The following INSYN2B variants were observed in gnomAD, a reference collection of about 807,000 sequenced individuals.
INSYN2B encodes the protein inhibitory synaptic factor family member 2B.
In INSYN2B, 16 loss-of-function variants were observed where a neutral mutation model predicts 41.2. The ratio of observed to expected loss-of-function variants is 0.39; its 90% CI spans 0.26 to 0.59. The LOEUF is 0.59. INSYN2B is among the 20% of genes least tolerant of loss of function. The pLI, the probability that INSYN2B is intolerant of heterozygous loss-of-function variation, is 0.57. For missense variants in INSYN2B, 608 were observed against 646.4 expected, an observed-to-expected ratio of 0.94 and a Z score of 0.64; for synonymous variants, 245 against 244.4, an observed-to-expected ratio of 1.00 and a Z score of -0.02.
intron 1 of INSYN2B, among the ~76,000 whole-genome samples, chr5:169,900,130 A>T (rs546529419): frequency 2.1e-4 from 32 of 152,260 alleles, no homozygotes; most frequent in African/African-American, 7.5e-4. Flanking sequence ...GGCATCAGGA[A>T]CACCTCCAAG....
At chr5:169,967,398 T>C (rs1777341904) in intron 1 of INSYN2B, among the ~76,000 whole-genome samples, 1 of 152,182 alleles carries the variant, frequency 6.6e-6, no homozygotes, top group African/African-American at 2.4e-5. Flanking sequence ...CAACAGCATG[T>C]GGTCAGGCTG....
At chr5:169,885,789 A>G (rs917848070) in intron 1 of INSYN2B, among the ~76,000 whole-genome samples, 2 of 152,254 alleles carry the variant, frequency 1.3e-5, no homozygotes, top group Non-Finnish European at 2.9e-5. Flanking sequence ...ACAGTTGAAT[A>G]AACCGAGGCC....
At chr5:169,965,622 A>T (rs987608066) in intron 1 of INSYN2B, among the ~76,000 whole-genome samples, 4 of 152,132 alleles carry the variant, frequency 2.6e-5, no homozygotes, top group Non-Finnish European at 4.4e-5. Flanking sequence ...GGTGGCAGGT[A>T]ATTCTAATGT....
At chr5:169,875,302 C>T in intron 3 of INSYN2B, 1 of 456,692 alleles carries the variant, frequency 2.2e-6, no homozygotes, top group South Asian at 1.5e-5. Context: ...TGAAACCCAG[C>T]AACAAGTTTC....
chr5:169,925,533 T>C (rs1184002615), intron 1 of INSYN2B, among the ~76,000 whole-genome samples: 1 of 129,018 alleles, frequency 7.8e-6, no homozygotes, highest in Admixed American at 9.7e-5. Flanking sequence ...TGAGCTAAGA[T>C]CAGGCCACTG....
intron 1 of INSYN2B, among the ~76,000 whole-genome samples, chr5:169,909,035 G>T (rs1484601621): frequency 6.6e-6 from 1 of 152,184 alleles, no homozygotes; most frequent in Non-Finnish European, 1.5e-5. Flanking sequence ...AGCCCCTAGA[G>T]TGAATGTGAG....
intron 3 of INSYN2B, chr5:169,875,186 A>G (rs1581337511): frequency 4.7e-6 from 2 of 428,874 alleles, no homozygotes; most frequent in East Asian, 7.1e-5. Flanking sequence ...TTTTTTACCT[A>G]AAAAAATCCT....
intron 1 of INSYN2B, among the ~76,000 whole-genome samples, chr5:169,933,738 C>A (rs937769337): frequency 1.3e-5 from 2 of 152,152 alleles, no homozygotes; most frequent in African/African-American, 4.8e-5. Context: ...ACACCCACTT[C>A]TCAGACTTCC....
chr5:169,947,076 G>A (rs540459528), intron 1 of INSYN2B, among the ~76,000 whole-genome samples: 3 of 152,146 alleles, frequency 2.0e-5, no homozygotes, highest in African/African-American at 7.2e-5. Flanking sequence ...TGCAACATAC[G>A]TTTATCTTTA....
chr5:169,902,655 C>T (rs1469303857), intron 1 of INSYN2B, among the ~76,000 whole-genome samples: 4 of 152,190 alleles, frequency 2.6e-5, no homozygotes, highest in African/African-American at 9.7e-5. Context: ...GCTGAGTGTT[C>T]CACAGAGAGG....
intron 1 of INSYN2B, among the ~76,000 whole-genome samples, chr5:169,890,328 A>G (rs1315144202): frequency 6.6e-6 from 1 of 152,028 alleles, no homozygotes; most frequent in Non-Finnish European, 1.5e-5. Flanking sequence ...GGAGCCATTT[A>G]CTGTTGATCA....
rs186871315 is a variant in INSYN2B at position 169,875,314 on chromosome 5, A to G, written c.1421+6054T>C. The G allele has an allele frequency of 5.3e-5, 24 of 456,694 alleles. 1 individual carries two copies. Among genetic ancestry groups the G allele is most frequent in the South Asian group, 3.1e-4 (20 of 64,566 alleles). The allele number at this position is 456,694 out of a possible 1,614,324, so 28.3% of individuals were successfully genotyped here. Reference sequence around the variant, plus strand: ...GGCTGAAACCCAGCAACAAGTTTCCATAGACACCCAGGAGGTTCCGATGCA... The same window carrying G: ...GGCTGAAACCCAGCAACAAGTTTCCGTAGACACCCAGGAGGTTCCGATGCA... On this transcript the variant is annotated intron_variant, in intron 3 of 3. Coordinates refer to ENST00000377365, the MANE Select transcript of INSYN2B (RefSeq NM_001129891.3).
chr5:169,891,996 A>C lies in INSYN2B; in HGVS notation c.-918-7180T>G, dbSNP rs1399845987. Among the ~76,000 whole-genome samples, 13 of 116,406 alleles carry C rather than the reference A, an allele frequency of 1.1e-4. No homozygotes were observed. The South Asian group carries it at 2.1e-3, about 19-fold the overall frequency. The allele number at this position is 116,406 out of a possible 152,430, so 76.4% of individuals were successfully genotyped here. A position where few individuals can be genotyped will look rare whatever the true frequency, so the allele number is the denominator to read the frequency against. ...GGGCAACAGTGCGAGATTCCGTCCCAAAAAAAAAAAAAAAAAGAAAAAGAA... is the reference window on the plus strand; with the variant it reads ...GGGCAACAGTGCGAGATTCCGTCCCCAAAAAAAAAAAAAAAAGAAAAAGAA... On this transcript the variant is annotated intron_variant, in intron 1 of 3. Transcript: ENST00000377365.
chr5:169,932,431 G>A (rs1775799557), intron 1 of INSYN2B, among the ~76,000 whole-genome samples: 1 of 152,180 alleles, frequency 6.6e-6, no homozygotes, highest in African/African-American at 2.4e-5. Flanking sequence ...AAGGAAGATG[G>A]CAGCTGCCAT....
chr5:169,914,108 C>T (rs369314236), intron 1 of INSYN2B, among the ~76,000 whole-genome samples: 5 of 152,260 alleles, frequency 3.3e-5, no homozygotes, highest in African/African-American at 1.2e-4. Flanking sequence ...TCCCTCAGAA[C>T]GCCTTTTGTA....
intron 1 of INSYN2B, among the ~76,000 whole-genome samples, chr5:169,922,032 T>C (rs1363068615): frequency 6.6e-6 from 1 of 152,184 alleles, no homozygotes; most frequent in African/African-American, 2.4e-5. Context: ...TTTTAAGAGC[T>C]TTTCCATGAC....
At chr5:169,897,613 C>T (rs1773690142) in intron 1 of INSYN2B, among the ~76,000 whole-genome samples, 1 of 152,210 alleles carries the variant, frequency 6.6e-6, no homozygotes, top group South Asian at 2.1e-4. Flanking sequence ...GACAGAACCA[C>T]AGCCCCATGG....
At chr5:169,976,171 C>T (rs1407867856) in intron 1 of INSYN2B, among the ~76,000 whole-genome samples, 1 of 152,236 alleles carries the variant, frequency 6.6e-6, no homozygotes, top group Non-Finnish European at 1.5e-5. Flanking sequence ...GCAAGTTCAA[C>T]TCTACCTTCT....
intron 1 of INSYN2B, among the ~76,000 whole-genome samples, chr5:169,972,157 C>G (rs968793145): frequency 6.6e-6 from 1 of 152,198 alleles, no homozygotes; most frequent in African/African-American, 2.4e-5. Flanking sequence ...TTAGCTCAAT[C>G]TCTATCAATC....
Sources: gnomAD v4.1 joint callset for allele counts (sites outside exome capture counted in the v4.1 genomes callset) on GRCh38, gnomAD v4.1.1 for gene constraint, MANE v1.5 for transcripts, NCBI Gene and HGNC (gene_info 2026-07-23, HGNC 2026-07-21) for gene names.